Variants in TMEM132D observed in about 807,000 individuals in gnomAD.
TMEM132D encodes transmembrane protein 132D, also known as mature OL transmembrane protein.
In TMEM132D, 21 loss-of-function variants were observed where a neutral mutation model predicts 62.3. The observed-to-expected ratio is 0.34, with a 90% CI of 0.24 to 0.49. The LOEUF is 0.49. Among genes scored for constraint, TMEM132D ranks in the 20% least tolerant of loss-of-function variants. The pLI is 0.99. For missense variants in TMEM132D, 1,346 were observed against 1,402.8 expected (o/e 0.96, Z 0.65); for synonymous variants, 621 against 575.6 (o/e 1.08, Z -1.13).
At chr12:129,268,272 T>C (rs1203767946) in intron 4 of TMEM132D, among the ~76,000 whole-genome samples, 4 of 152,118 alleles carry the variant, frequency 2.6e-5, no homozygotes, top group Non-Finnish European at 5.9e-5. Context: ...AGAAAATTTT[T>C]GCAACCTACT....
chr12:129,343,523 T>C (rs1314901766), intron 3 of TMEM132D, among the ~76,000 whole-genome samples: 13 of 152,228 alleles, frequency 8.5e-5, no homozygotes, highest in South Asian at 6.2e-4. Context: ...CATGTATACA[T>C]ATGTAACAAA....
intron 5 of TMEM132D, among the ~76,000 whole-genome samples, chr12:129,188,774 AGAGAGAGAGAGAG>A (rs1878298551): frequency 3.1e-5 from 1 of 32,494 alleles, no homozygotes; most frequent in Non-Finnish European, 6.7e-5. Context: ...AGAGAGAGAG[AGAGAGAGAGAGAG>A]AGAGAGAGAG....
chr12:129,530,504 G>A (rs61945413), intron 3 of TMEM132D, among the ~76,000 whole-genome samples: 27,093 of 152,184 alleles, frequency 0.18, 3,109 homozygotes, highest in Non-Finnish European at 0.25. Flanking sequence ...TAATTTGGTG[G>A]CTATCAGAGA....
intron 3 of TMEM132D, among the ~76,000 whole-genome samples, chr12:129,506,886 C>T (rs1349627504): frequency 2.0e-5 from 3 of 152,074 alleles, no homozygotes; most frequent in African/African-American, 4.8e-5. Context: ...AAGGCTTTTG[C>T]ACAGCAAGAG....
At chr12:129,324,603 G>A (rs1868837615) in intron 4 of TMEM132D, among the ~76,000 whole-genome samples, 1 of 152,152 alleles carries the variant, frequency 6.6e-6, no homozygotes, top group African/African-American at 2.4e-5. Flanking sequence ...GGCAGAGGTG[G>A]GTGGATCACG....
chr12:129,447,939 G>A (rs1014140244), intron 3 of TMEM132D, among the ~76,000 whole-genome samples: 1 of 152,148 alleles, frequency 6.6e-6, no homozygotes, highest in African/African-American at 2.4e-5. Flanking sequence ...AGCAAACAGT[G>A]AGTGCTTGAC....
chr12:129,683,952 A>G (rs1205202023), intron 2 of TMEM132D, among the ~76,000 whole-genome samples: 1 of 152,222 alleles, frequency 6.6e-6, no homozygotes, highest in Non-Finnish European at 1.5e-5. Flanking sequence ...AGGTAGACCT[A>G]TAGTACAGGG....
chr12:129,708,801 A>G (rs570195566), intron 1 of TMEM132D, among the ~76,000 whole-genome samples: 3 of 152,288 alleles, frequency 2.0e-5, no homozygotes, highest in Non-Finnish European at 4.4e-5. Context: ...TACATCTGGC[A>G]ACCCAACTTA....
At chr12:129,804,390 G>C (rs1328661707) in intron 1 of TMEM132D, among the ~76,000 whole-genome samples, 3 of 110,076 alleles carry the variant, frequency 2.7e-5, no homozygotes, top group African/African-American at 9.9e-5. Flanking sequence ...TTCAATATAC[G>C]CAAATCAATA....
rs1265842894 is a variant in TMEM132D, at chr12:129,868,216, C to T, written c.79+35045G>A. Among the ~76,000 whole-genome samples, 5 of 150,670 alleles carry T rather than the reference C, an allele frequency of 3.3e-5. No individual in the cohort carries two copies. The South Asian group carries it at 6.3e-4, about 19-fold the overall frequency. ...TTTGTATGGTACACACATGAGGCAG[C>T]GTTTCTATGGTACATGAGGCAGCGT... On this transcript the variant is annotated intron_variant, in intron 1 of 8. Coordinates refer to ENST00000422113, the MANE Select transcript of TMEM132D (RefSeq NM_133448.3).
intron 2 of TMEM132D, among the ~76,000 whole-genome samples, chr12:129,644,583 T>C (rs1045645705): frequency 2.0e-5 from 3 of 152,134 alleles, no homozygotes; most frequent in Non-Finnish European, 4.4e-5. Flanking sequence ...GTTACCATTT[T>C]ACAGTGCCGT....
At chr12:129,346,258 T>C (rs1869683913) in intron 3 of TMEM132D, among the ~76,000 whole-genome samples, 1 of 152,352 alleles carries the variant, frequency 6.6e-6, no homozygotes, top group Non-Finnish European at 1.5e-5. Flanking sequence ...GATGGTAGTT[T>C]GTATATCTGT....
intron 5 of TMEM132D, among the ~76,000 whole-genome samples, chr12:129,191,133 C>T (rs1878388830): frequency 6.6e-6 from 1 of 152,208 alleles, no homozygotes; most frequent in Non-Finnish European, 1.5e-5. Context: ...CTGAACTCTT[C>T]TTCCTTTCTG....
At chr12:129,610,574 T>C (rs922966567) in intron 2 of TMEM132D, among the ~76,000 whole-genome samples, 1 of 152,194 alleles carries the variant, frequency 6.6e-6, no homozygotes, top group African/African-American at 2.4e-5. Context: ...GTTGGGTTTC[T>C]GTTGAAGGTA....
chr12:129,785,408 A>G (rs1240048477), intron 1 of TMEM132D, among the ~76,000 whole-genome samples: 1 of 152,236 alleles, frequency 6.6e-6, no homozygotes, highest in Non-Finnish European at 1.5e-5. Flanking sequence ...GGAAATAACA[A>G]AATCTACCTC....
chr12:129,156,213 A>T (rs992563955), intron 5 of TMEM132D, among the ~76,000 whole-genome samples: 1 of 151,592 alleles, frequency 6.6e-6, no homozygotes, highest in African/African-American at 2.4e-5. Context: ...TAACTAACTC[A>T]TCCCCAAGAT....
At chr12:129,180,720 AG>A (rs1291859171) in intron 5 of TMEM132D, among the ~76,000 whole-genome samples, 1 of 152,202 alleles carries the variant, frequency 6.6e-6, no homozygotes, top group Non-Finnish European at 1.5e-5. Flanking sequence ...ATCTGCAGGA[AG>A]AACCTTCCAG....
chr12:129,697,652 C>G (rs1881238941), intron 2 of TMEM132D, among the ~76,000 whole-genome samples: 1 of 152,136 alleles, frequency 6.6e-6, no homozygotes, highest in Admixed American at 6.5e-5. Context: ...TGCTGTACTT[C>G]TCAAATTTTC....
At chr12:129,703,849 G>T (rs768243487) in intron 1 of TMEM132D, among the ~76,000 whole-genome samples, 2 of 150,354 alleles carry the variant, frequency 1.3e-5, no homozygotes, top group Admixed American at 6.6e-5. Context: ...TGGGAGGAAG[G>T]CAATTTGAGC....
Sources: allele counts gnomAD v4.1 joint callset (sites outside exome capture counted in the v4.1 genomes callset), GRCh38; gene constraint gnomAD v4.1.1; transcripts MANE v1.5; gene names NCBI Gene and HGNC (gene_info 2026-07-23, HGNC 2026-07-21).